SMAD4: variants seen among roughly 807,000 people sequenced by gnomAD.
SMAD4 encodes MAD homolog 4.
Under a neutral mutation model 63.2 loss-of-function variants are expected in SMAD4, and 7 were observed. The ratio of observed to expected loss-of-function variants is 0.11; its 90% CI spans 0.06 to 0.21. The LOEUF (loss-of-function observed/expected upper bound fraction) is 0.21. SMAD4 is among the 10% of genes least tolerant of loss of function. The pLI is 1.00. For missense variants in SMAD4, 312 were observed against 693.8 expected (o/e 0.45, Z 6.18); for synonymous variants, 215 against 235.4 (o/e 0.91, Z 0.79).
intron 10 of SMAD4, among the ~76,000 whole-genome samples, chr18:51,068,677 C>T (rs865806745): frequency 9.9e-5 from 15 of 152,188 alleles, no homozygotes; most frequent in East Asian, 1.9e-4. Context: ...TTAGCACTTT[C>T]GGAGGCCAAG....
chr18:51,064,654 C>CT (rs1172908230), intron 8 of SMAD4, among the ~76,000 whole-genome samples: 1 of 152,230 alleles, frequency 6.6e-6, no homozygotes, highest in Non-Finnish European at 1.5e-5. Flanking sequence ...AGTAGCACCT[C>CT]TTTTTTCCCA....
chr18:51,075,998 A>T lies in SMAD4; in HGVS notation c.1309-640A>T, dbSNP rs538053590. Among the ~76,000 whole-genome samples the T allele has an allele frequency of 3.9e-5, 6 of 152,338 alleles. No homozygotes were observed. The South Asian group carries it at 8.3e-4, about 21-fold the overall frequency. On this transcript the variant is annotated intron_variant, in intron 10 of 11. Transcript: ENST00000342988. ...AAATTATGAACATTTACAAACAAAG[A>T]AATGTAGAGAGAAACTAATGAAGTC...
Position 51,046,962 on chromosome 18 carries a change from G to T in SMAD4, c.-85G>T, listed in dbSNP as rs2144399614. 1 of 1,230,450 alleles carries T rather than the reference G, an allele frequency of 8.1e-7. No homozygotes were observed. 76.2% of individuals were successfully genotyped at this position (1,230,450 alleles called of 1,614,324 possible). On this transcript the variant is annotated 5_prime_UTR_variant, in exon 2 of 12. Coordinates refer to ENST00000342988, the MANE Select transcript of SMAD4 (RefSeq NM_005359.6). ...TCTAACAATTTTCCTTGCAACGTTA[G>T]CTGTTGTTTTTCACTGTTTCCAAAG...
At chr18:51,033,185 C>T (rs1026365643) in intron 1 of SMAD4, among the ~76,000 whole-genome samples, 70 of 134,936 alleles carry the variant, frequency 5.2e-4, no homozygotes, top group Non-Finnish European at 9.6e-4. Flanking sequence ...CATAACACAG[C>T]ATTTTTTTTT....
rs368065509 is a variant in SMAD4, at chr18:51,082,681, C to G, written c.*4214C>G. ...TCAGGGGCTTCTAAAACAGACAGGA[C>G]TGTGTTGCCTTTACTAAATGGTCTG... On this transcript the variant is annotated 3_prime_UTR_variant, in exon 12 of 12. Coordinates refer to ENST00000342988, the MANE Select transcript of SMAD4 (RefSeq NM_005359.6). 4 of 230,942 alleles carry G rather than the reference C, an allele frequency of 1.7e-5. No individual in the cohort carries two copies. Among genetic ancestry groups the G allele is most frequent in the African/African-American group, 6.7e-5 (3 of 45,036 alleles). The allele number at this position is 230,942 out of a possible 1,614,324, so 14.3% of individuals were successfully genotyped here. A position where few individuals can be genotyped will look rare whatever the true frequency, so the allele number is the denominator to read the frequency against.
At chr18:51,066,812 A>G in intron 9 of SMAD4, 1 of 542,210 alleles carries the variant, frequency 1.8e-6, no homozygotes. Flanking sequence ...CTCCTGACAC[A>G]TAGTAAGTGT....
chr18:51,052,568 G>A (rs1909739273), intron 4 of SMAD4: 1 of 231,424 alleles, frequency 4.3e-6, no homozygotes, highest in Non-Finnish European at 8.9e-6. Flanking sequence ...TAACAGTTTG[G>A]TATCTGTTTT....
chr18:51,033,159 AAAG>A (rs1425880141), intron 1 of SMAD4, among the ~76,000 whole-genome samples: 1 of 151,956 alleles, frequency 6.6e-6, no homozygotes, highest in Non-Finnish European at 1.5e-5. Flanking sequence ...TTCTACAGTT[AAAG>A]GACTTACACC....
chr18:51,047,683 A>G (rs1271554281), intron 2 of SMAD4, among the ~76,000 whole-genome samples: 2 of 149,842 alleles, frequency 1.3e-5, no homozygotes, highest in East Asian at 4.0e-4. Flanking sequence ...ATCTTGGCCC[A>G]CTGCAACCTC....
At chr18:51,052,140 A>T (rs1909729146) in intron 4 of SMAD4, among the ~76,000 whole-genome samples, 1 of 152,138 alleles carries the variant, frequency 6.6e-6, no homozygotes, top group South Asian at 2.1e-4. Flanking sequence ...ATCACTATAT[A>T]TATGTATAAC....
intron 10 of SMAD4, among the ~76,000 whole-genome samples, chr18:51,069,574 G>T (rs1223323783): frequency 1.3e-5 from 2 of 152,050 alleles, no homozygotes; most frequent in Non-Finnish European, 2.9e-5. Flanking sequence ...CCTTACCCTG[G>T]CATCTGGGAT....
At chr18:51,071,265 TAC>T (rs141566325) in intron 10 of SMAD4, among the ~76,000 whole-genome samples, 14 of 150,500 alleles carry the variant, frequency 9.3e-5, no homozygotes, top group East Asian at 3.9e-4. Flanking sequence ...TGCATGCACA[TAC>T]ACACACACAC....
chr18:51,059,468 A>T (rs775932572), intron 7 of SMAD4, among the ~76,000 whole-genome samples: 4 of 152,246 alleles, frequency 2.6e-5, no homozygotes, highest in Non-Finnish European at 5.9e-5. Flanking sequence ...CTATGATTCC[A>T]TTAAATAAAC....
chr18:51,058,583 T>A, intron 7 of SMAD4, 127 bp downstream of exon 7: 1 of 713,456 alleles, frequency 1.4e-6, no homozygotes, highest in Non-Finnish European at 2.4e-6. Flanking sequence ...AAATAGTGCT[T>A]TTCAGTATTT....
chr18:51,041,875 A>G (rs992028983), intron 1 of SMAD4, among the ~76,000 whole-genome samples: 1 of 152,234 alleles, frequency 6.6e-6, no homozygotes, highest in Non-Finnish European at 1.5e-5. Context: ...TCACTGCAGC[A>G]TAGACTAGCC....
intron 1 of SMAD4, among the ~76,000 whole-genome samples, chr18:51,044,452 C>T (rs1372591824): frequency 6.6e-6 from 1 of 152,188 alleles, no homozygotes; most frequent in African/African-American, 2.4e-5. Context: ...AGTGCAGTGG[C>T]ACAATCACAG....
At chr18:51,047,327 T>A (rs1447960299) in intron 2 of SMAD4, 32 bp downstream of exon 2, 5 of 1,606,466 alleles carry the variant, frequency 3.1e-6, no homozygotes, top group Non-Finnish European at 4.3e-6. Flanking sequence ...CTATACCCTC[T>A]ATGGTGGCAG....
At chr18:51,077,860 ATTAG>A (rs1373178374) in intron 11 of SMAD4, among the ~76,000 whole-genome samples, 1 of 152,188 alleles carries the variant, frequency 6.6e-6, no homozygotes, top group Non-Finnish European at 1.5e-5. Flanking sequence ...CTGCTTCATT[ATTAG>A]TTATGTCTTA....
At chr18:51,038,405 A>G (rs1909275273) in intron 1 of SMAD4, among the ~76,000 whole-genome samples, 1 of 152,232 alleles carries the variant, frequency 6.6e-6, no homozygotes, top group Non-Finnish European at 1.5e-5. Flanking sequence ...GGATTTTTAT[A>G]TACACCAGAG....
Sources: allele counts gnomAD v4.1 joint callset (sites outside exome capture counted in the v4.1 genomes callset), GRCh38; gene constraint gnomAD v4.1.1; transcripts MANE v1.5; gene names NCBI Gene and HGNC (gene_info 2026-07-23, HGNC 2026-07-21).